The following LNX2 variants were observed in gnomAD, a reference collection of about 807,000 sequenced individuals.
LNX2 encodes ligand of Numb protein X 2.
Under a neutral mutation model 66.2 loss-of-function variants are expected in LNX2, and 35 were observed. That is an observed-to-expected ratio of 0.53 (90% CI 0.40 to 0.70). The LOEUF is 0.70. LNX2 is among the 30% of genes least tolerant of loss of function. The probability of loss-of-function intolerance (pLI) is 0.00; values close to 1 mark genes in which losing one functional copy is unlikely to be tolerated. For synonymous variants in LNX2, 337 were observed against 315.6 expected (o/e 1.07, Z -0.72); for missense variants, 791 against 850.8 (o/e 0.93, Z 0.87).
At chr13:27,583,189 T>C (rs1201635074) in intron 1 of LNX2, among the ~76,000 whole-genome samples, 1,828 of 10,754 alleles carry the variant, frequency 0.17, 233 homozygotes, top group African/African-American at 0.36. Context: ...TGTGTGTGTG[T>C]GTGTGTGTGT....
chr13:27,593,285 TC>T, intron 1 of LNX2, among the ~76,000 whole-genome samples: 1 of 152,280 alleles, frequency 6.6e-6, no homozygotes, highest in South Asian at 2.1e-4. Context: ...AACATTCATG[TC>T]TTATCAACTT....
At chr13:27,558,463 G>A (rs1955090134) in intron 6 of LNX2, among the ~76,000 whole-genome samples, 1 of 151,926 alleles carries the variant, frequency 6.6e-6, no homozygotes, top group South Asian at 2.1e-4. Context: ...TTTGCTATAG[G>A]AATACTGGAA....
intron 1 of LNX2, among the ~76,000 whole-genome samples, chr13:27,596,581 AC>A (rs1290422017): frequency 6.6e-6 from 1 of 152,148 alleles, no homozygotes; most frequent in Non-Finnish European, 1.5e-5. Context: ...TATTTTCTTA[AC>A]TTTTTCTCTT....
chr13:27,580,541 TCTTC>T (rs1955385612), intron 2 of LNX2, among the ~76,000 whole-genome samples: 1 of 152,178 alleles, frequency 6.6e-6, no homozygotes, highest in South Asian at 2.1e-4. Flanking sequence ...ATACTGTAAC[TCTTC>T]CTAAGTTAAA....
chr13:27,617,833 C>T (rs1955843735), intron 1 of LNX2, among the ~76,000 whole-genome samples: 1 of 152,206 alleles, frequency 6.6e-6, no homozygotes, highest in Non-Finnish European at 1.5e-5. Context: ...TTCCCTTCTA[C>T]ACCTCTACCA....
chr13:27,591,661 C>A (rs898267667), intron 1 of LNX2, among the ~76,000 whole-genome samples: 2 of 152,150 alleles, frequency 1.3e-5, no homozygotes, highest in Non-Finnish European at 2.9e-5. Context: ...CACTACTGTT[C>A]CAGGGTTAGG....
rs199501730 is a variant in LNX2 at position 27,569,116 on chromosome 13, G to A, written c.568C>T (p.Arg190Trp). 104 of 1,612,912 alleles carry A rather than the reference G, an allele frequency of 6.4e-5. No individual in the cohort carries two copies. Among genetic ancestry groups the A allele is most frequent in the Middle Eastern group, 3.3e-4 (2 of 6,076 alleles). The change falls in exon 3 of 10, where the codon CGG (arginine) becomes TGG (tryptophan). Residue 190 changes from arginine (R) to tryptophan (W), a missense_variant. Physicochemically the swap from Arg to Trp is moderately radical, Grantham distance 101. Transcript: ENST00000316334. ...CLGTGAVPVE[R>W]HLTSASLSTW... ...GAAAGAGACGCTGATGTCAAGTGCC[G>A]CTCCACAGGCACTGCGCCTGTCCCC...
At chr13:27,592,172 CT>C (rs1257826558) in intron 1 of LNX2, among the ~76,000 whole-genome samples, 1 of 152,178 alleles carries the variant, frequency 6.6e-6, no homozygotes, top group Non-Finnish European at 1.5e-5. Context: ...TGAAAATAAT[CT>C]GAAGGGCTCA....
rs567340939 is a variant in LNX2 at position 27,549,521 on chromosome 13, A to T, written c.1937+812T>A. ...TTAAAGTCCAGGGATCTAGAGCCAG[A>T]TAGTCCTGGGTTTGAATGCCAGCCA... is the stretch of plus-strand genomic sequence containing the variant. On this transcript the variant is annotated intron_variant, in intron 9 of 9. Coordinates refer to ENST00000316334, the MANE Select transcript of LNX2 (RefSeq NM_153371.4). 7.9e-5 allele frequency among the ~76,000 whole-genome samples: 12 copies of T among 152,284 alleles called. No homozygotes were observed. The South Asian group carries it at 2.3e-3, about 29-fold the overall frequency.
chr13:27,567,051 CAG>C (rs1955214588), intron 4 of LNX2, among the ~76,000 whole-genome samples: 1 of 151,990 alleles, frequency 6.6e-6, no homozygotes, highest in Non-Finnish European at 1.5e-5. Context: ...AAAGGGAAAA[CAG>C]TAAGGGGAGC....
intron 1 of LNX2, among the ~76,000 whole-genome samples, chr13:27,595,723 C>T (rs550696984): frequency 8.2e-6 from 1 of 121,886 alleles, no homozygotes; most frequent in East Asian, 3.7e-4. Context: ...CACTTCAAAC[C>T]ATTCATCTAA....
chr13:27,613,834 C>A (rs961788917), intron 1 of LNX2, among the ~76,000 whole-genome samples: 2 of 152,158 alleles, frequency 1.3e-5, no homozygotes, highest in Non-Finnish European at 2.9e-5. Context: ...AAATGATTAA[C>A]TACTCGAATG....
chr13:27,574,775 G>A (rs1161925896), intron 2 of LNX2, among the ~76,000 whole-genome samples: 3 of 152,110 alleles, frequency 2.0e-5, no homozygotes, highest in Non-Finnish European at 4.4e-5. Context: ...TAATAAAACT[G>A]GTGAAAGCCA....
intron 1 of LNX2, among the ~76,000 whole-genome samples, chr13:27,588,572 T>G (rs1593255909): frequency 6.6e-6 from 1 of 152,224 alleles, no homozygotes; most frequent in South Asian, 2.1e-4. Context: ...ATTGTATCAA[T>G]GCCAATATCC....
At chr13:27,615,907 A>G (rs1955820808) in intron 1 of LNX2, among the ~76,000 whole-genome samples, 1 of 152,098 alleles carries the variant, frequency 6.6e-6, no homozygotes, top group African/African-American at 2.4e-5. Context: ...ATCAAAGCCA[A>G]TTTGGATCCA....
At chr13:27,619,478 G>C (rs768112436) in intron 1 of LNX2, among the ~76,000 whole-genome samples, 3 of 152,174 alleles carry the variant, frequency 2.0e-5, no homozygotes, top group South Asian at 2.1e-4. Context: ...TACTATTGCC[G>C]CAAGAATGTG....
chr13:27,587,101 A>T (rs1955495322), intron 1 of LNX2, among the ~76,000 whole-genome samples: 1 of 152,134 alleles, frequency 6.6e-6, no homozygotes, highest in Admixed American at 6.5e-5. Flanking sequence ...AACCTAAGAG[A>T]TCCAGCCCAG....
At chr13:27,577,776 A>C (rs1201195592) in intron 2 of LNX2, among the ~76,000 whole-genome samples, 3 of 152,206 alleles carry the variant, frequency 2.0e-5, no homozygotes, top group African/African-American at 7.2e-5. Flanking sequence ...ACAAACACAC[A>C]ATTTAAAAAC....
rs145577843 is a variant in LNX2 at position 27,583,008 on chromosome 13, T to C, written c.-100-1205A>G. On this transcript the variant is annotated intron_variant, in intron 1 of 9. Transcript: ENST00000316334. Reference sequence around the variant, plus strand: ...TAGAAAGATACATCTGCATAGCGTATATAAATAACAGCGCAAATGCTGCAA... The same window carrying C: ...TAGAAAGATACATCTGCATAGCGTACATAAATAACAGCGCAAATGCTGCAA... 4.0e-3 allele frequency among the ~76,000 whole-genome samples: 615 copies of C among 152,230 alleles called. 2 individuals are homozygous for C. Among genetic ancestry groups the C allele is most frequent in the African/African-American group, 0.014 (579 of 41,542 alleles).
Sources: gnomAD v4.1 joint callset for allele counts (sites outside exome capture counted in the v4.1 genomes callset) on GRCh38, gnomAD v4.1.1 for gene constraint, MANE v1.5 for transcripts, NCBI Gene and HGNC (gene_info 2026-07-23, HGNC 2026-07-21) for gene names.